The following RASAL2 variants were observed in gnomAD, a reference collection of about 807,000 sequenced individuals.
RASAL2 encodes ras GTPase-activating protein nGAP.
RASAL2 carries 58 observed loss-of-function variants against 128.9 expected under a neutral mutation model. That is an observed-to-expected ratio of 0.45 (90% CI 0.36 to 0.56). The LOEUF (loss-of-function observed/expected upper bound fraction) is 0.56, where lower values mean the gene tolerates loss of function less well. Among genes scored for constraint, RASAL2 ranks in the 20% least tolerant of loss-of-function variants. RASAL2 has a pLI of 0.00. For synonymous variants in RASAL2, 561 were observed against 580.8 expected (o/e 0.97, Z 0.49); for missense variants, 1,360 against 1,601.6 (o/e 0.85, Z 2.57).
intron 4 of RASAL2, among the ~76,000 whole-genome samples, chr1:178,398,246 A>T (rs1325156446): frequency 6.6e-6 from 1 of 152,170 alleles, no homozygotes; most frequent in Non-Finnish European, 1.5e-5. Flanking sequence ...AAATAGAAGC[A>T]TAATATTTAG....
rs1158552851 is a variant in RASAL2 at position 178,175,437 on chromosome 1, CGT to C, written c.202+80777_202+80778del. Among the ~76,000 whole-genome samples the C allele has an allele frequency of 4.2e-3, 605 of 144,414 alleles. 4 individuals carry two copies. The highest frequency in any genetic ancestry group is 8.7e-3 in the African/African-American group (336 of 38,810). The allele number at this position is 144,414 out of a possible 152,430, so 94.7% of individuals were successfully genotyped here. Reference sequence around the variant, plus strand: ...AATATTCTGTGTATATACATGGTTACGTGTGTGTGTGTGTGTGTGTGTGTGTG... The same window carrying C: ...AATATTCTGTGTATATACATGGTTACGTGTGTGTGTGTGTGTGTGTGTGTG... On this transcript the variant is annotated intron_variant, in intron 1 of 17. Coordinates refer to ENST00000367649, the MANE Select transcript of RASAL2 (RefSeq NM_170692.4).
chr1:178,150,816 TTCCC>T (rs1311814609), intron 1 of RASAL2, among the ~76,000 whole-genome samples: 1 of 152,204 alleles, frequency 6.6e-6, no homozygotes, highest in Admixed American at 6.5e-5. Flanking sequence ...GTCATTCATC[TTCCC>T]AGATGAGGTG....
chr1:178,340,248 A>G (rs1026969256), intron 3 of RASAL2, among the ~76,000 whole-genome samples: 1 of 152,326 alleles, frequency 6.6e-6, no homozygotes, highest in South Asian at 2.1e-4. Flanking sequence ...GGTAGATGAT[A>G]GATTAATACT....
intron 1 of RASAL2, among the ~76,000 whole-genome samples, chr1:178,261,685 G>C (rs548493310): frequency 6.6e-6 from 1 of 152,150 alleles, no homozygotes; most frequent in Non-Finnish European, 1.5e-5. Context: ...CATTTTGGGA[G>C]GCTGGTGGAT....
At chr1:178,245,643 T>TTGCCCA (rs372247256) in intron 1 of RASAL2, among the ~76,000 whole-genome samples, 40,706 of 151,200 alleles carry the variant, frequency 0.27, 6,274 homozygotes, top group African/African-American at 0.44. Flanking sequence ...CATGAAGTCT[T>TTGCCCA]TGCCTATGTC....
chr1:178,140,750 A>G (rs998505237), intron 1 of RASAL2, among the ~76,000 whole-genome samples: 9 of 152,200 alleles, frequency 5.9e-5, no homozygotes, highest in African/African-American at 2.2e-4. Flanking sequence ...GTTTTTCATA[A>G]TTTTAAATTT....
intron 1 of RASAL2, among the ~76,000 whole-genome samples, chr1:178,217,418 A>G (rs1663457586): frequency 6.6e-6 from 1 of 152,238 alleles, no homozygotes; most frequent in African/African-American, 2.4e-5. Flanking sequence ...TTGTTAAAAT[A>G]GATGAACCCA....
intron 3 of RASAL2, among the ~76,000 whole-genome samples, chr1:178,329,404 GT>G (rs1669185807): frequency 6.6e-6 from 1 of 152,142 alleles, no homozygotes; most frequent in African/African-American, 2.4e-5. Context: ...TAATAGGCCT[GT>G]GAAGTGCTCA....
chr1:178,324,594 T>A (rs951604763), intron 3 of RASAL2, among the ~76,000 whole-genome samples: 1 of 152,100 alleles, frequency 6.6e-6, no homozygotes, highest in Admixed American at 6.5e-5. Flanking sequence ...GTGGGCTTGT[T>A]TACAATGCAT....
At chr1:178,393,623 T>A (rs1571991301) in intron 4 of RASAL2, among the ~76,000 whole-genome samples, 1 of 152,328 alleles carries the variant, frequency 6.6e-6, no homozygotes, top group East Asian at 1.9e-4. Flanking sequence ...GCCCTGGGGT[T>A]GAGGACCCCT....
chr1:178,223,967 T>C (rs1417519991), intron 1 of RASAL2, among the ~76,000 whole-genome samples: 1 of 152,206 alleles, frequency 6.6e-6, no homozygotes, highest in Non-Finnish European at 1.5e-5. Context: ...GTGTAGGTTT[T>C]ATACGTTTTG....
At chr1:178,275,939 T>C (rs1408269960) in intron 1 of RASAL2, among the ~76,000 whole-genome samples, 2 of 152,216 alleles carry the variant, frequency 1.3e-5, no homozygotes, top group Non-Finnish European at 2.9e-5. Flanking sequence ...AGACACAATA[T>C]AAATTTATTT....
intron 1 of RASAL2, among the ~76,000 whole-genome samples, chr1:178,131,719 C>T (rs1660126947): frequency 6.6e-6 from 1 of 152,018 alleles, no homozygotes; most frequent in African/African-American, 2.4e-5. Context: ...GAGTTATCCC[C>T]AAGGAAGTAA....
intron 3 of RASAL2, among the ~76,000 whole-genome samples, chr1:178,379,698 G>C (rs1433640090): frequency 5.9e-5 from 9 of 152,096 alleles, no homozygotes; most frequent in Non-Finnish European, 1.2e-4. Context: ...TTCCCTTAGA[G>C]TTTTTAAGTC....
intron 1 of RASAL2, among the ~76,000 whole-genome samples, chr1:178,161,003 T>C (rs1661269616): frequency 6.6e-6 from 1 of 152,218 alleles, no homozygotes; most frequent in Admixed American, 6.5e-5. Context: ...CTTCTTCCTC[T>C]TTGTTCCACA....
In RASAL2 at chr1:178,132,618, G is replaced by T. The variant is rs368297981; in HGVS notation, c.202+37924G>T. Among the ~76,000 whole-genome samples the T allele has an allele frequency of 3.9e-5, 6 of 152,252 alleles. No individual in the cohort carries two copies. The East Asian group carries it at 1.2e-3, about 29-fold the overall frequency. ...CAATTATGAATGACACCTTTTTAAA[G>T]TTGAGGAGAAATCTCTTTGGGTATT... On this transcript the variant is annotated intron_variant, in intron 1 of 17. Coordinates refer to ENST00000367649, the MANE Select transcript of RASAL2 (RefSeq NM_170692.4).
At chr1:178,164,823 TTGTGTGTGTGTG>T (rs200932615) in intron 1 of RASAL2, among the ~76,000 whole-genome samples, 15 of 131,998 alleles carry the variant, frequency 1.1e-4, no homozygotes, top group African/African-American at 2.8e-4. Flanking sequence ...CATCAAACGT[TTGTGTGTGTGTG>T]TGTGTGTGTG....
chr1:178,355,370 G>A (rs1158421663), intron 3 of RASAL2, among the ~76,000 whole-genome samples: 1 of 152,196 alleles, frequency 6.6e-6, no homozygotes, highest in Non-Finnish European at 1.5e-5. Context: ...ACACTGCAGA[G>A]TGGTGGGGAA....
At position 178,201,323 on chromosome 1, in the gene RASAL2, G is replaced by A. The variant is rs937040099; in HGVS notation, c.203-82241G>A. 1.2e-4 allele frequency among the ~76,000 whole-genome samples: 18 copies of A among 152,318 alleles called. 1 individual carries two copies. Among genetic ancestry groups the A allele is most frequent in the African/African-American group, 4.3e-4 (18 of 41,572 alleles). On this transcript the variant is annotated intron_variant, in intron 1 of 17. Transcript: ENST00000367649. The stretch of plus-strand genomic sequence containing the variant: ...TGAATTAAAAGATGGCCCACTGTGA[G>A]TAAGCTGGAAATGCCTAATCTCCCT...
Sources: gnomAD v4.1 joint callset for allele counts (sites outside exome capture counted in the v4.1 genomes callset) on GRCh38, gnomAD v4.1.1 for gene constraint, MANE v1.5 for transcripts, NCBI Gene and HGNC (gene_info 2026-07-23, HGNC 2026-07-21) for gene names.